Variants in ZNF76 observed in about 807,000 individuals in gnomAD.
ZNF76 encodes zinc finger protein 523.
In ZNF76, 66 loss-of-function variants were observed where a neutral mutation model predicts 66.9. The ratio of observed to expected loss-of-function variants is 0.99; its 90% confidence interval spans 0.81 to 1.21. The LOEUF is 1.21. ZNF76 is among the 50% of genes most tolerant of loss of function. The pLI is 0.00. For missense variants in ZNF76, 729 were observed against 760.3 expected (o/e 0.96, Z 0.48); for synonymous variants, 275 against 296.1 (o/e 0.93, Z 0.73).
At chr6:35,276,246 G>A (rs1787876287) in intron 1 of ZNF76, among the ~76,000 whole-genome samples, 1 of 152,096 alleles carries the variant, frequency 6.6e-6, no homozygotes, top group African/African-American at 2.4e-5. Flanking sequence ...GGGTAATTTG[G>A]GCCAGCATTT....
chr6:35,287,720 G>T lies in ZNF76; in HGVS notation c.307G>T (p.Ala103Ser). ...GSTAYIHHPV[A>S]VPSESTILAV... ...CACTGCCTACATTCACCACCCTGTG[G>T]CTGTGCCATCGGAGAGCACCATCCT... The change falls in exon 5 of 14, where the codon GCT (alanine) becomes TCT (serine). Residue 103 changes from alanine to serine, a missense_variant. Coordinates refer to ENST00000373953, the MANE Select transcript of ZNF76 (RefSeq NM_003427.5). This position sits in a 1 kb window ranked among gnomAD's most constrained non-coding sequence, Gnocchi z 4.0. 1 of 1,614,252 alleles carries T rather than the reference G, an allele frequency of 6.2e-7. No individual in the cohort carries two copies. Among genetic ancestry groups the T allele is most frequent in the Non-Finnish European group, 8.5e-7 (1 of 1,180,044 alleles).
intron 1 of ZNF76, among the ~76,000 whole-genome samples, chr6:35,271,831 A>G (rs1046687272): frequency 6.6e-6 from 1 of 152,216 alleles, no homozygotes; most frequent in Admixed American, 6.5e-5. Context: ...GCTGATGCCT[A>G]TAATTCTAGC....
intron 1 of ZNF76, among the ~76,000 whole-genome samples, chr6:35,265,014 G>T (rs1785791058): frequency 6.6e-6 from 1 of 152,020 alleles, no homozygotes; most frequent in Non-Finnish European, 1.5e-5. Context: ...AGATCCTAAA[G>T]GTATATATAT....
chr6:35,290,991 A>G, intron 7 of ZNF76: 2 of 593,338 alleles, frequency 3.4e-6, no homozygotes, highest in Non-Finnish European at 3.0e-6. Flanking sequence ...TGGGTGGGCC[A>G]TTGCATCTCT....
intron 2 of ZNF76, among the ~76,000 whole-genome samples, chr6:35,282,692 C>T (rs1045962058): frequency 4.6e-5 from 7 of 152,196 alleles, no homozygotes; most frequent in African/African-American, 1.7e-4. Flanking sequence ...ACATTGCCCT[C>T]CTTTATTTCA....
chr6:35,293,041 G>T lies in ZNF76; in HGVS notation c.1326G>T (p.Gln442His), dbSNP rs1322288220. ...CTCTGATCACTCAGGATGGTGCCCA[G>T]CAGGTACAGGCCCTGGAGGGCAGAG... ...QVALITQDGA[Q>H]QVSLSPEDLQ... The change falls in exon 11 of 14, where the codon CAG (glutamine) becomes CAT (histidine). Residue 442 changes from glutamine to histidine, a missense_variant. Physicochemically the swap from Gln to His is conservative, Grantham distance 24 (BLOSUM62 0). Transcript: ENST00000373953. 6.2e-7 allele frequency: 1 copy of T among 1,613,828 alleles called. No individual in the cohort carries two copies. Among genetic ancestry groups the T allele is most frequent in the African/African-American group, 1.3e-5 (1 of 74,944 alleles).
In ZNF76 at chr6:35,287,550, C is replaced by T; in HGVS notation, c.233-96C>T. On this transcript the variant is annotated intron_variant, in intron 4 of 13. Coordinates refer to ENST00000373953, the MANE Select transcript of ZNF76 (RefSeq NM_003427.5). The surrounding 1 kb of genome is among the most constrained non-coding windows in gnomAD (Gnocchi z 4.0). ...ATGAGAAATTGGATGTTGAAACCCTCCTTGGTATATGTATCTCTCATTAAC... is the reference window on the plus strand; with the variant it reads ...ATGAGAAATTGGATGTTGAAACCCTTCTTGGTATATGTATCTCTCATTAAC... 1 of 1,189,202 alleles carries T rather than the reference C, an allele frequency of 8.4e-7. No homozygotes were observed. The highest frequency in any genetic ancestry group is 1.2e-6 in the Non-Finnish European group (1 of 847,362). 73.7% of individuals were successfully genotyped at this position (1,189,202 alleles called of 1,614,324 possible).
chr6:35,259,551 C>G (rs1226175422), upstream of ZNF76: 3 of 152,220 alleles, frequency 2.0e-5, no homozygotes, highest in South Asian at 2.1e-4. Flanking sequence ...CGGTTCAGAT[C>G]CCGGCCGCCT....
chr6:35,289,668 G>C (rs1018572095), intron 5 of ZNF76, among the ~76,000 whole-genome samples: 3 of 152,072 alleles, frequency 2.0e-5, no homozygotes, highest in Admixed American at 2.0e-4. Context: ...TTGTCAGCTG[G>C]GTGCTGTCAT....
chr6:35,280,967 C>T, intron 1 of ZNF76, 89 bp from the exon 2 acceptor site: 2 of 621,332 alleles, frequency 3.2e-6, no homozygotes, highest in African/African-American at 1.8e-5. Context: ...TTCTTCTTGG[C>T]TGGCTGGCCT....
chr6:35,295,016 G>T, intron 13 of ZNF76, 128 bp from the exon 14 acceptor site: 1 of 658,466 alleles, frequency 1.5e-6, no homozygotes, highest in Non-Finnish European at 2.6e-6. Flanking sequence ...GCCCTACTAA[G>T]TGCTCAGCGT....
intron 5 of ZNF76, among the ~76,000 whole-genome samples, chr6:35,289,247 C>T (rs1215693047): frequency 2.0e-5 from 3 of 152,092 alleles, no homozygotes; most frequent in Admixed American, 6.5e-5. Context: ...CCCGTGATTA[C>T]CCCAGGAGCT....
chr6:35,280,021 A>T (rs542836430), intron 1 of ZNF76, among the ~76,000 whole-genome samples: 1 of 151,044 alleles, frequency 6.6e-6, no homozygotes, highest in East Asian at 2.0e-4. Context: ...TGTAGAGACA[A>T]TGTCTTGCTG....
rs73409749 is a variant in ZNF76, at chr6:35,295,207, G to C, written c.1672G>C (p.Ala558Pro). 2.5e-4 allele frequency: 397 copies of C among 1,611,600 alleles called. 1 individual carries two copies. In the African/African-American group the frequency reaches 3.7e-3, roughly 15 times the overall value. Residue 558 changes from alanine to proline, a missense_variant, in exon 14 of 14, where the codon GCT (alanine) becomes CCT (proline). Transcript: ENST00000373953. Reference protein sequence around the residue: ...NVATAAMQQGAVTLETTVSES... With the variant: ...NVATAAMQQGPVTLETTVSES... ...GGCCACTGCGGCCATGCAGCAAGGG[G>C]CTGTGACCCTGGAGACAACAGTGTC... is the stretch of plus-strand genomic sequence containing the variant.
intron 1 of ZNF76, among the ~76,000 whole-genome samples, chr6:35,264,085 C>G (rs1386274441): frequency 6.6e-6 from 1 of 152,204 alleles, no homozygotes; most frequent in Admixed American, 6.5e-5. Flanking sequence ...TCTCTTCCCT[C>G]ACATTTAGCA....
At chr6:35,273,447 A>G (rs1328448214) in intron 1 of ZNF76, among the ~76,000 whole-genome samples, 2 of 151,226 alleles carry the variant, frequency 1.3e-5, no homozygotes, top group Admixed American at 6.6e-5. Flanking sequence ...TGCTGGGGTT[A>G]TAGGCGTGAG....
intron 5 of ZNF76, among the ~76,000 whole-genome samples, chr6:35,289,889 G>C (rs767401376): frequency 2.0e-5 from 3 of 152,142 alleles, no homozygotes; most frequent in East Asian, 1.9e-4. Flanking sequence ...AGAGTTGCAG[G>C]CTCCTAGGTG....
intron 1 of ZNF76, among the ~76,000 whole-genome samples, chr6:35,268,967 A>G (rs1049984444): frequency 2.0e-5 from 3 of 151,992 alleles, no homozygotes; most frequent in South Asian, 2.1e-4. Flanking sequence ...ATCCTATGCA[A>G]TTGTCTCTTT....
intron 2 of ZNF76, among the ~76,000 whole-genome samples, chr6:35,285,249 A>G (rs984027627): frequency 2.0e-5 from 3 of 152,236 alleles, no homozygotes; most frequent in Non-Finnish European, 4.4e-5. Flanking sequence ...GAAAATTGAA[A>G]TGAAAAATGA....
Sources: gnomAD v4.1 joint callset for allele counts (sites outside exome capture counted in the v4.1 genomes callset) on GRCh38, gnomAD v4.1.1 for gene constraint, Gnocchi (gnomAD v3.1) non-coding constraint, MANE v1.5 for transcripts, NCBI Gene and HGNC (gene_info 2026-07-23, HGNC 2026-07-21) for gene names.